TDRD9: variants seen among roughly 807,000 people sequenced by gnomAD.
TDRD9 encodes the protein ATP-dependent RNA helicase TDRD9.
In TDRD9, 124 loss-of-function variants were observed where a neutral mutation model predicts 172.6. The observed-to-expected ratio is 0.72, with a 90% CI of 0.62 to 0.83. TDRD9 has a LOEUF of 0.83. Among genes scored for constraint, TDRD9 ranks in the 40% least tolerant of loss-of-function variants. The pLI, the probability that TDRD9 is intolerant of heterozygous loss-of-function variation, is 0.00. For missense variants in TDRD9, 1,479 were observed against 1,714.1 expected (o/e 0.86, Z 2.42); for synonymous variants, 619 against 617.1 (o/e 1.00, Z -0.05).
chr14:103,975,675 C>T (rs2033207903), intron 7 of TDRD9, 122 bp downstream of exon 7: 2 of 953,658 alleles, frequency 2.1e-6, no homozygotes, highest in South Asian at 2.0e-5. Flanking sequence ...TTGATGCATA[C>T]TAAGTGTACA....
At chr14:103,935,743 T>A (rs1297420421) in intron 1 of TDRD9, among the ~76,000 whole-genome samples, 1 of 152,116 alleles carries the variant, frequency 6.6e-6, no homozygotes, top group Non-Finnish European at 1.5e-5. Flanking sequence ...GAACAAGTGG[T>A]CAGAGGGACA....
Position 104,006,574 on chromosome 14 carries a change from A to C in TDRD9, c.1879+20A>C, listed in dbSNP as rs1024882593. The C allele has an allele frequency of 5.0e-6, 8 of 1,612,370 alleles. No homozygotes were observed. Among genetic ancestry groups the C allele is most frequent in the Non-Finnish European group, 6.8e-6 (8 of 1,178,678 alleles). ...TTATAGGTAAGTGTGAGAACAAATA[A>C]ATGCTAATGGGAAGTTTATATAACA... On this transcript the variant is annotated intron_variant, in intron 16 of 35. Transcript: ENST00000409874.
At chr14:103,950,554 G>T (rs2031819731) in intron 1 of TDRD9, among the ~76,000 whole-genome samples, 1 of 152,228 alleles carries the variant, frequency 6.6e-6, no homozygotes, top group South Asian at 2.1e-4. Flanking sequence ...ATGACGCCAG[G>T]TCTAGGACTT....
At chr14:103,947,406 C>G (rs1395940142) in intron 1 of TDRD9, among the ~76,000 whole-genome samples, 1 of 151,860 alleles carries the variant, frequency 6.6e-6, no homozygotes, top group African/African-American at 2.4e-5. Flanking sequence ...CTACTCACTG[C>G]AAGCTCTGTC....
Position 104,024,563 on chromosome 14 carries a change from A to T in TDRD9, c.2607-6A>T, listed in dbSNP as rs769013113. 3.8e-6 allele frequency: 6 copies of T among 1,561,354 alleles called. No individual in the cohort carries two copies. In the South Asian group the frequency reaches 7.0e-5, roughly 18 times the overall value. ...TTTTATTTTAATAAAAATTCGTATT[A>T]TGTAGGGTGAATGTGGACTTCCAGA... On this transcript the variant is annotated splice_region_variant and splice_polypyrimidine_tract_variant and intron_variant, in intron 24 of 35. Coordinates refer to ENST00000409874, the MANE Select transcript of TDRD9 (RefSeq NM_153046.3).
intron 34 of TDRD9, among the ~76,000 whole-genome samples, chr14:104,045,390 C>T (rs1304678654): frequency 6.0e-5 from 8 of 133,898 alleles, no homozygotes; most frequent in African/African-American, 5.6e-5. Flanking sequence ...GTCATTTATC[C>T]TTTTTTTTTT....
chr14:103,952,177 T>C (rs1343316841), intron 1 of TDRD9, among the ~76,000 whole-genome samples: 3 of 107,000 alleles, frequency 2.8e-5, no homozygotes, highest in Non-Finnish European at 4.2e-5. Context: ...TATATATGTG[T>C]GTGCGTGTGT....
chr14:104,022,364 G>A, intron 24 of TDRD9, 34 bp downstream of exon 24: 3 of 1,596,428 alleles, frequency 1.9e-6, no homozygotes, highest in Non-Finnish European at 2.6e-6. Flanking sequence ...GACAGGCCGT[G>A]CCTGCTTTCA....
At chr14:104,043,334 C>T (rs763677516) in intron 34 of TDRD9, among the ~76,000 whole-genome samples, 11 of 151,974 alleles carry the variant, frequency 7.2e-5, no homozygotes, top group East Asian at 1.9e-4. Flanking sequence ...CTCCACCTCC[C>T]GGGTTCAAGC....
At chr14:103,951,092 C>T (rs995936007) in intron 1 of TDRD9, among the ~76,000 whole-genome samples, 1 of 152,146 alleles carries the variant, frequency 6.6e-6, no homozygotes, top group African/African-American at 2.4e-5. Context: ...TAATTCCCAT[C>T]GCAATGCTTT....
chr14:103,948,313 G>A (rs1043645431), intron 1 of TDRD9, among the ~76,000 whole-genome samples: 4 of 151,924 alleles, frequency 2.6e-5, no homozygotes, highest in African/African-American at 4.8e-5. Context: ...CATTGCACCC[G>A]GCAAAAAAGT....
Position 104,052,136 on chromosome 14 carries a change from T to A in TDRD9, c.*54T>A. The stretch of plus-strand genomic sequence containing the variant: ...CCCTCAGGAAGCTGTGGAGGCTGGA[T>A]TCCAGGCTCCCTCCGCAGACTGACT... On this transcript the variant is annotated 3_prime_UTR_variant, in exon 36 of 36. Transcript: ENST00000409874. 19 of 1,295,966 alleles carry A rather than the reference T, an allele frequency of 1.5e-5. No individual in the cohort carries two copies. The highest frequency in any genetic ancestry group is 2.0e-5 in the Non-Finnish European group (18 of 917,632). 80.3% of individuals were successfully genotyped at this position (1,295,966 alleles called of 1,614,324 possible). A position where few individuals can be genotyped will look rare whatever the true frequency, so the allele number is the denominator to read the frequency against.
At chr14:103,971,974 T>C (rs111289020) in intron 6 of TDRD9, among the ~76,000 whole-genome samples, 3,526 of 151,074 alleles carry the variant, frequency 0.023, 76 homozygotes, top group East Asian at 0.072. Context: ...CTGGGCAACA[T>C]GGTGAAACCC....
intron 13 of TDRD9, 150 bp downstream of exon 13, chr14:103,998,878 C>T (rs926018609): frequency 2.7e-5 from 14 of 520,228 alleles, no homozygotes; most frequent in Non-Finnish European, 2.7e-5. Flanking sequence ...CTGCAAGCTC[C>T]GCTTCCCGGG....
intron 5 of TDRD9, among the ~76,000 whole-genome samples, chr14:103,970,323 G>T (rs2032964768): frequency 1.3e-5 from 2 of 152,166 alleles, no homozygotes; most frequent in African/African-American, 4.8e-5. Context: ...GGGCCCTAAG[G>T]AGAAACACTG....
intron 1 of TDRD9, chr14:103,940,416 A>G (rs576204299): frequency 1.9e-5 from 3 of 158,900 alleles, no homozygotes; most frequent in Admixed American, 1.9e-4. Flanking sequence ...GTTATGTTGT[A>G]AAGATAGGAT....
chr14:104,023,441 C>G (rs968630867), intron 24 of TDRD9, among the ~76,000 whole-genome samples: 4 of 152,218 alleles, frequency 2.6e-5, no homozygotes, highest in African/African-American at 9.6e-5. Context: ...TAGTTGCTTA[C>G]CAGTGTAAGC....
At position 104,018,132 on chromosome 14, in the gene TDRD9, A is replaced by G; in HGVS notation, c.2372A>G (p.Gln791Arg). The change falls in exon 23 of 36, where the codon CAA (glutamine) becomes CGA (arginine). Residue 791 changes from glutamine (Q) to arginine (R), a missense_variant. Gln to Arg is a conservative substitution (Grantham distance 43). This residue lies in a region of TDRD9 where 1,413 missense variants were observed against 1,649.1 expected (regional missense o/e 0.86). Coordinates refer to ENST00000409874, the MANE Select transcript of TDRD9 (RefSeq NM_153046.3). ...IPPYGFLYYK[Q>R]LQSLFRQCGQ... ...CCCTATGGATTTCTTTACTATAAAC[A>G]ACTACAGTCTCTCTTTAGACAGTGT... 1.9e-6 allele frequency: 3 copies of G among 1,609,036 alleles called. No individual in the cohort carries two copies. The highest frequency in any genetic ancestry group is 1.1e-5 in the South Asian group (1 of 90,408).
At chr14:103,988,008 T>C (rs967163382) in intron 8 of TDRD9, among the ~76,000 whole-genome samples, 3 of 152,200 alleles carry the variant, frequency 2.0e-5, no homozygotes, top group Admixed American at 2.0e-4. Context: ...GCACCTCTTA[T>C]CTCTCGTAAC....
Sources: gnomAD v4.1 joint callset for allele counts (sites outside exome capture counted in the v4.1 genomes callset) on GRCh38, gnomAD v4.1.1 for gene constraint, gnomAD v4.1.1 regional missense constraint, MANE v1.5 for transcripts, NCBI Gene and HGNC (gene_info 2026-07-23, HGNC 2026-07-21) for gene names.